The following KDM4C variants were observed in gnomAD, a reference collection of about 807,000 sequenced individuals.
KDM4C encodes the protein lysine demethylase 4C.
Under a neutral mutation model 129.3 loss-of-function variants are expected in KDM4C, and 81 were observed. That is an observed-to-expected ratio of 0.63 (90% confidence interval 0.52 to 0.75). KDM4C has a LOEUF of 0.75. KDM4C is among the 30% of genes least tolerant of loss of function. The pLI is 0.00. For missense variants in KDM4C, 1,457 were observed against 1,304.0 expected (o/e 1.12, Z -1.81); for synonymous variants, 573 against 456.1 (o/e 1.26, Z -3.26).
intron 17 of KDM4C, among the ~76,000 whole-genome samples, chr9:7,098,897 G>A (rs1836760489): frequency 6.8e-6 from 1 of 146,290 alleles, no homozygotes; most frequent in Admixed American, 7.3e-5. Flanking sequence ...TTACAGGTAG[G>A]GTTAAAAATC....
At chr9:6,737,759 A>G (rs1817571863) in intron 1 of KDM4C, among the ~76,000 whole-genome samples, 2 of 152,100 alleles carry the variant, frequency 1.3e-5, no homozygotes, top group African/African-American at 2.4e-5. Flanking sequence ...AATGTTCAAC[A>G]TCACTAATCG....
chr9:6,822,070 A>T (rs1053269636), intron 4 of KDM4C, among the ~76,000 whole-genome samples: 1 of 152,184 alleles, frequency 6.6e-6, no homozygotes, highest in Non-Finnish European at 1.5e-5. Context: ...AAACCAAAAA[A>T]CCAAGACTCT....
chr9:6,849,247 A>T (rs955256376), intron 4 of KDM4C, among the ~76,000 whole-genome samples: 1 of 152,200 alleles, frequency 6.6e-6, no homozygotes, highest in South Asian at 2.1e-4. Context: ...TTTCATTTCC[A>T]TTTGGCATCA....
intron 2 of KDM4C, among the ~76,000 whole-genome samples, chr9:6,803,766 A>G (rs1829452456): frequency 1.3e-5 from 2 of 151,826 alleles, no homozygotes; most frequent in African/African-American, 4.8e-5. Context: ...AAAAAAAAAA[A>G]AGAAAAGTTC....
intron 17 of KDM4C, among the ~76,000 whole-genome samples, chr9:7,061,726 A>C (rs530140486): frequency 1.3e-5 from 2 of 152,306 alleles, no homozygotes; most frequent in East Asian, 3.9e-4. Context: ...TACCCTCAGC[A>C]ATGGCTAGTG....
At chr9:7,146,619 T>G (rs1842237455) in intron 19 of KDM4C, among the ~76,000 whole-genome samples, 1 of 152,248 alleles carries the variant, frequency 6.6e-6, no homozygotes, top group African/African-American at 2.4e-5. Context: ...GCAGTTTCTA[T>G]GAAGTAAAAA....
Position 6,826,139 on chromosome 9 carries a change from A to G in KDM4C, c.435+11394A>G, listed in dbSNP as rs558366773. Among the ~76,000 whole-genome samples, 3 of 152,050 alleles carry G rather than the reference A, an allele frequency of 2.0e-5. No individual in the cohort carries two copies. The East Asian group carries it at 5.8e-4, about 29-fold the overall frequency. ...GTGGAGAATCTTAATACAAAAAAATATAAATGTTTTATATATTTCTTCTTG... is the reference window on the plus strand; with the variant it reads ...GTGGAGAATCTTAATACAAAAAAATGTAAATGTTTTATATATTTCTTCTTG... On this transcript the variant is annotated intron_variant, in intron 4 of 21. Coordinates refer to ENST00000381309, the MANE Select transcript of KDM4C (RefSeq NM_015061.6).
chr9:6,956,035 T>A (rs188759146), intron 8 of KDM4C, among the ~76,000 whole-genome samples: 1 of 152,248 alleles, frequency 6.6e-6, no homozygotes, highest in Admixed American at 6.5e-5. Context: ...CACTTATTTA[T>A]GAGATCTAAA....
chr9:6,776,903 C>T (rs1482436864), intron 1 of KDM4C, among the ~76,000 whole-genome samples: 2 of 152,178 alleles, frequency 1.3e-5, no homozygotes, highest in African/African-American at 2.4e-5. Flanking sequence ...TGCTGGGCCT[C>T]AATCCCACCT....
chr9:7,104,481 A>C (rs186908038), intron 18 of KDM4C: 1 of 152,330 alleles, frequency 6.6e-6, no homozygotes, highest in East Asian at 1.9e-4. Flanking sequence ...AGAAATATAG[A>C]GAACAATTTT....
chr9:7,119,521 T>G (rs956252941), intron 18 of KDM4C, among the ~76,000 whole-genome samples: 2 of 152,128 alleles, frequency 1.3e-5, no homozygotes, highest in Non-Finnish European at 2.9e-5. Context: ...ATCAACAACT[T>G]TGTAATCAGG....
chr9:6,744,297 G>A (rs1055432904), intron 1 of KDM4C, among the ~76,000 whole-genome samples: 1 of 152,016 alleles, frequency 6.6e-6, no homozygotes, highest in African/African-American at 2.4e-5. Flanking sequence ...AGGCTGAGAC[G>A]GGCAGATCAC....
chr9:6,881,367 C>T (rs918475714), intron 6 of KDM4C, among the ~76,000 whole-genome samples: 5 of 152,098 alleles, frequency 3.3e-5, no homozygotes, highest in Non-Finnish European at 5.9e-5. Flanking sequence ...TAATCTTGAA[C>T]TTTGTTAGGG....
At chr9:6,874,030 T>C (rs767194947) in intron 5 of KDM4C, among the ~76,000 whole-genome samples, 4 of 152,048 alleles carry the variant, frequency 2.6e-5, no homozygotes, top group Non-Finnish European at 4.4e-5. Context: ...CACGCTCTTA[T>C]GTGGGCATGG....
At chr9:7,020,865 T>A (rs1486837151) in intron 15 of KDM4C, among the ~76,000 whole-genome samples, 2 of 152,158 alleles carry the variant, frequency 1.3e-5, no homozygotes, top group Non-Finnish European at 2.9e-5. Flanking sequence ...AAATTATTTT[T>A]GACTGTAGTC....
Position 7,011,890 on chromosome 9 carries a change from C to G in KDM4C, c.1968+11C>G, listed in dbSNP as rs760659489. On this transcript the variant is annotated intron_variant, in intron 13 of 21. Transcript: ENST00000381309. ...ATGCCGTACCACAAGGTAAAGGAGCCTGCTATCATAGTTCCCTTCACTGCT... is the reference window on the plus strand; with the variant it reads ...ATGCCGTACCACAAGGTAAAGGAGCGTGCTATCATAGTTCCCTTCACTGCT... 6.2e-7 allele frequency: 1 copy of G among 1,609,202 alleles called. No individual in the cohort carries two copies. Among genetic ancestry groups the G allele is most frequent in the Non-Finnish European group, 8.5e-7 (1 of 1,176,738 alleles).
chr9:7,101,483 G>C (rs1042765299), intron 17 of KDM4C, among the ~76,000 whole-genome samples: 6 of 152,190 alleles, frequency 3.9e-5, no homozygotes, highest in Non-Finnish European at 7.4e-5. Flanking sequence ...TGATGTTTAA[G>C]TGTTCTCAAC....
At position 6,981,024 on chromosome 9, in the gene KDM4C, T is replaced by C; in HGVS notation, c.1021T>C (p.Tyr341His). ...YQLWKQGKDI[Y>H]TIDHTKPTPA... ...GCTTTGGAAACAAGGAAAGGATATA[T>C]ACACCATTGATCACACGAAGCCTAC... is the stretch of plus-strand genomic sequence containing the variant. The change falls in exon 9 of 22, where the codon TAC becomes CAC. Residue 341 changes from tyrosine to histidine, a missense_variant. By Grantham distance (83) the Tyr-to-His change is moderately conservative. Transcript: ENST00000381309. The C allele has an allele frequency of 6.2e-7, 1 of 1,613,896 alleles. No homozygotes were observed. Among genetic ancestry groups the C allele is most frequent in the South Asian group, 1.1e-5 (1 of 91,060 alleles).
At chr9:6,845,758 C>A (rs1052686891) in intron 4 of KDM4C, among the ~76,000 whole-genome samples, 1 of 152,154 alleles carries the variant, frequency 6.6e-6, no homozygotes, top group Non-Finnish European at 1.5e-5. Flanking sequence ...GCTTAGGACT[C>A]CAGTTAGTCC....
Sources: gnomAD v4.1 joint callset for allele counts (sites outside exome capture counted in the v4.1 genomes callset) on GRCh38, gnomAD v4.1.1 for gene constraint, MANE v1.5 for transcripts, NCBI Gene and HGNC (gene_info 2026-07-23, HGNC 2026-07-21) for gene names.